KIT: variants seen among roughly 807,000 people sequenced by gnomAD.
KIT encodes the protein mast/stem cell growth factor receptor Kit.
In KIT, 16 loss-of-function variants were observed where a neutral mutation model predicts 105.7. That is an observed-to-expected ratio of 0.15 (90% confidence interval 0.10 to 0.23). The LOEUF is 0.23. KIT is among the 10% of genes least tolerant of loss of function. The probability of loss-of-function intolerance (pLI) is 1.00; values close to 1 mark genes in which losing one functional copy is unlikely to be tolerated. For missense variants in KIT, 858 were observed against 1,213.8 expected (o/e 0.71, Z 4.36); for synonymous variants, 438 against 441.1 (o/e 0.99, Z 0.09).
chr4:54,735,378 A>G (rs1192167150), intron 17 of KIT, among the ~76,000 whole-genome samples: 69 of 145,140 alleles, frequency 4.8e-4, no homozygotes, highest in African/African-American at 1.7e-3. Flanking sequence ...AAAAAAAAAA[A>G]GAAAAAAAAA....
rs1482558275 is a variant in KIT at position 54,723,469 on chromosome 4, T to C, written c.1232-115T>C. ...TTCAGATTCTGCCCTTTGAACTTGC[T>C]CCCTCAGGCTACTCAGCAGCCTCAG... On this transcript the variant is annotated intron_variant, in intron 7 of 20. Coordinates refer to ENST00000288135, the MANE Select transcript of KIT (RefSeq NM_000222.3). 4 of 734,320 alleles carry C rather than the reference T, an allele frequency of 5.4e-6. No homozygotes were observed. In the African/African-American group the frequency reaches 6.9e-5, roughly 13 times the overall value. 45.5% of individuals were successfully genotyped at this position (734,320 alleles called of 1,614,324 possible).
chr4:54,675,422 T>C (rs1027691247), intron 1 of KIT, among the ~76,000 whole-genome samples: 1 of 152,228 alleles, frequency 6.6e-6, no homozygotes, highest in Non-Finnish European at 1.5e-5. Flanking sequence ...ACAGGCTTAA[T>C]GTATTGCTCT....
rs1160320621 is a variant in KIT, at chr4:54,698,265, T to C, written c.338-19T>C. 6.2e-7 allele frequency: 1 copy of C among 1,611,146 alleles called. No individual in the cohort carries two copies. On this transcript the variant is annotated intron_variant, in intron 2 of 20. Transcript: ENST00000288135. ...GTGACCAGCCATTCCAACTACTGAT[T>C]TTGGATATGCTTCTATAGATCCTGC...
intron 1 of KIT, among the ~76,000 whole-genome samples, chr4:54,662,093 A>T (rs932043890): frequency 2.0e-5 from 3 of 152,154 alleles, no homozygotes; most frequent in African/African-American, 4.8e-5. Flanking sequence ...TTAAGAATTG[A>T]AGGTCATGGC....
chr4:54,681,449 T>C (rs535094577), intron 1 of KIT, among the ~76,000 whole-genome samples: 5 of 152,232 alleles, frequency 3.3e-5, no homozygotes, highest in African/African-American at 9.6e-5. Context: ...CAGAGAAAGG[T>C]TTCCTCTTAG....
At chr4:54,717,283 A>C (rs185473072) in intron 7 of KIT, among the ~76,000 whole-genome samples, 1 of 152,284 alleles carries the variant, frequency 6.6e-6, no homozygotes, top group East Asian at 1.9e-4. Context: ...GAACTAAGCT[A>C]AACATCTTTC....
At chr4:54,702,305 T>C (rs550464510) in intron 4 of KIT, among the ~76,000 whole-genome samples, 1 of 152,310 alleles carries the variant, frequency 6.6e-6, no homozygotes, top group East Asian at 1.9e-4. Flanking sequence ...TTTAATAATA[T>C]ATTTTATTTG....
intron 4 of KIT, among the ~76,000 whole-genome samples, chr4:54,700,432 G>A (rs1204515789): frequency 2.0e-5 from 3 of 152,110 alleles, no homozygotes; most frequent in Non-Finnish European, 2.9e-5. Flanking sequence ...TCAGATACTG[G>A]GTTAGGCATA....
chr4:54,689,813 C>T (rs1236629799), intron 1 of KIT, among the ~76,000 whole-genome samples: 1 of 152,120 alleles, frequency 6.6e-6, no homozygotes, highest in African/African-American at 2.4e-5. Context: ...TAACCATTTC[C>T]AGAACTTCTT....
In KIT at chr4:54,695,612, G is replaced by A. The variant is rs1431146243; in HGVS notation, c.168G>A (p.Leu56=). ...TCCGCGTGGGCGACGAGATTAGGCT[G>A]TTATGCACTGATCCGGGCTTTGTCA... ...LIVRVGDEIR[L]LCTDPGFVKW... Residue 56 remains leucine (L), a synonymous_variant, in exon 2 of 21, where the codon CTG becomes CTA. Coordinates refer to ENST00000288135, the MANE Select transcript of KIT (RefSeq NM_000222.3). The A allele has an allele frequency of 1.2e-6, 2 of 1,614,220 alleles. No homozygotes were observed. Among genetic ancestry groups the A allele is most frequent in the East Asian group, 2.2e-5 (1 of 44,884 alleles).
At chr4:54,703,926 G>A (rs1207658032) in intron 5 of KIT, 34 bp downstream of exon 5, 4 of 1,506,514 alleles carry the variant, frequency 2.7e-6, no homozygotes, top group Non-Finnish European at 3.7e-6. Context: ...TAAATTACTG[G>A]CAGTAGTGAA....
chr4:54,678,350 T>TTCCCTCCTTCCC (rs1718656853), intron 1 of KIT, among the ~76,000 whole-genome samples: 1 of 58,924 alleles, frequency 1.7e-5, no homozygotes, highest in African/African-American at 1.2e-4. Context: ...CCTTCCTTCC[T>TTCCCTCCTTCCC]TCCCTCCCTC....
chr4:54,735,072 A>G (rs1280252800), intron 17 of KIT, among the ~76,000 whole-genome samples: 3 of 152,206 alleles, frequency 2.0e-5, no homozygotes, highest in Non-Finnish European at 2.9e-5. Context: ...TAAAGACTTA[A>G]TAGGATATGA....
Position 54,695,528 on chromosome 4 carries a change from T to C in KIT, c.84T>C (p.Ser28=), listed in dbSNP as rs758868843. ...LRVQTGSSQP[S]VSPGEPSPPS... is the part of the protein sequence containing the mutation. ...TCTTGGCAGGCTCTTCTCAACCATC[T>C]GTGAGTCCAGGGGAACCGTCTCCAC... The change falls in exon 2 of 21, where the codon TCT becomes TCC. Residue 28 remains serine, a synonymous_variant. Transcript: ENST00000288135. 4.6e-5 allele frequency: 75 copies of C among 1,614,094 alleles called. No homozygotes were observed. The highest frequency in any genetic ancestry group is 6.4e-5 in the Non-Finnish European group (75 of 1,180,036).
At chr4:54,716,688 C>T (rs982411987) in intron 7 of KIT, among the ~76,000 whole-genome samples, 2 of 152,062 alleles carry the variant, frequency 1.3e-5, no homozygotes, top group Non-Finnish European at 2.9e-5. Context: ...CATCCAGGAG[C>T]GAGGCGGGAC....
chr4:54,732,539 A>G (rs1289154473), intron 16 of KIT, among the ~76,000 whole-genome samples: 2 of 152,146 alleles, frequency 1.3e-5, no homozygotes, highest in Admixed American at 6.6e-5. Context: ...GAAGGGTGAA[A>G]GGAGTTCCTT....
chr4:54,713,521 C>T (rs1428088122), intron 7 of KIT, among the ~76,000 whole-genome samples: 1 of 152,000 alleles, frequency 6.6e-6, no homozygotes, highest in African/African-American at 2.4e-5. Flanking sequence ...TTGTGTTCTG[C>T]AAAAATCAGA....
chr4:54,665,393 T>G (rs1313314717), intron 1 of KIT, among the ~76,000 whole-genome samples: 1 of 152,208 alleles, frequency 6.6e-6, no homozygotes, highest in East Asian at 1.9e-4. Context: ...AACTCATGGC[T>G]GCGAGCTACA....
Position 54,739,703 on chromosome 4 carries a change from G to A in KIT, c.*1146G>A. ...ATGTGTGTAGACAAATATTTGGAGG[G>A]GTATTTTTGCCCTGAGTCCAAGAGG... On this transcript the variant is annotated 3_prime_UTR_variant, in exon 21 of 21. Coordinates refer to ENST00000288135, the MANE Select transcript of KIT (RefSeq NM_000222.3). 1.3e-5 allele frequency: 3 copies of A among 233,522 alleles called. No homozygotes were observed. The highest frequency in any genetic ancestry group is 2.5e-5 in the Non-Finnish European group (3 of 117,938). 14.5% of individuals were successfully genotyped at this position (233,522 alleles called of 1,614,324 possible). A position where few individuals can be genotyped will look rare whatever the true frequency, so the allele number is the denominator to read the frequency against.
Sources: allele counts gnomAD v4.1 joint callset (sites outside exome capture counted in the v4.1 genomes callset), GRCh38; gene constraint gnomAD v4.1.1; transcripts MANE v1.5; gene names NCBI Gene and HGNC (gene_info 2026-07-23, HGNC 2026-07-21).